The following CEP128 variants were observed in gnomAD, a reference collection of about 807,000 sequenced individuals.
CEP128 encodes centrosomal protein 128, also known as centrosomal protein 128kDa.
In CEP128, 132 loss-of-function variants were observed where a neutral mutation model predicts 156.7. The ratio of observed to expected loss-of-function variants is 0.84; its 90% confidence interval spans 0.73 to 0.97. The LOEUF (loss-of-function observed/expected upper bound fraction) is 0.97. CEP128 is among the 50% of genes least tolerant of loss of function. CEP128 has a pLI of 0.00. For missense variants in CEP128, 1,252 were observed against 1,281.9 expected, an observed-to-expected ratio of 0.98 and a Z score of 0.36; for synonymous variants, 469 against 448.9, an observed-to-expected ratio of 1.04 and a Z score of -0.57.
chr14:80,774,060 C>A (rs962656590), intron 16 of CEP128, among the ~76,000 whole-genome samples: 1 of 152,062 alleles, frequency 6.6e-6, no homozygotes, highest in African/African-American at 2.4e-5. Context: ...AGAAAAAATG[C>A]ATTTTAATAC....
intron 19 of CEP128, among the ~76,000 whole-genome samples, chr14:80,620,089 C>T (rs1054345799): frequency 6.6e-6 from 1 of 152,114 alleles, no homozygotes; most frequent in Non-Finnish European, 1.5e-5. Flanking sequence ...CGCACCATTG[C>T]ACTCCAGCCT....
rs571143739 is a variant in CEP128 at position 80,504,676 on chromosome 14, C to T, written c.3181+236G>A. Among the ~76,000 whole-genome samples the T allele has an allele frequency of 2.0e-5, 3 of 152,262 alleles. No individual in the cohort carries two copies. In the East Asian group the frequency reaches 5.8e-4, roughly 29 times the overall value. On this transcript the variant is annotated intron_variant, in intron 24 of 24. Coordinates refer to ENST00000555265, the MANE Select transcript of CEP128 (RefSeq NM_152446.5). ...AAATTTGCCTAATTAAGATTTTCAC[C>T]TTGGGTGGTTATTTAAGTTATTCTG...
chr14:80,643,394 G>T (rs566775560), intron 19 of CEP128, among the ~76,000 whole-genome samples: 4 of 152,192 alleles, frequency 2.6e-5, no homozygotes, highest in African/African-American at 9.6e-5. Flanking sequence ...CAAATGTGGG[G>T]TGCAACACAA....
chr14:80,668,133 G>A (rs942039669), intron 19 of CEP128, among the ~76,000 whole-genome samples: 3 of 152,112 alleles, frequency 2.0e-5, no homozygotes, highest in Admixed American at 2.0e-4. Flanking sequence ...AGTCTGTGAG[G>A]TAAATGTTTA....
At chr14:80,948,570 C>G (rs982512700) in intron 2 of CEP128, among the ~76,000 whole-genome samples, 3 of 152,148 alleles carry the variant, frequency 2.0e-5, no homozygotes, top group African/African-American at 7.2e-5. Flanking sequence ...TGGGGACTTT[C>G]TGAAAAAAGA....
In CEP128 at chr14:80,792,895, C is replaced by T. The variant is rs545347676; in HGVS notation, c.1425G>A (p.Ala475=). 2.4e-5 allele frequency: 38 copies of T among 1,614,152 alleles called. No individual in the cohort carries two copies. The highest frequency in any genetic ancestry group is 1.6e-4 in the Middle Eastern group (1 of 6,062). The change falls in exon 14 of 25, where the codon GCG becomes GCA. Residue 475 remains alanine, a synonymous_variant. Transcript: ENST00000555265. ...LQQSEALKEE[A]EKRREDLKLK... ...GTTTCAGGTCTTCCCTCCTCTTCTC[C>T]GCCTCCTCTTTCAGAGCCTCTGACT...
intron 19 of CEP128, among the ~76,000 whole-genome samples, chr14:80,665,064 AT>A (rs1333520492): frequency 6.6e-6 from 1 of 152,220 alleles, no homozygotes; most frequent in Non-Finnish European, 1.5e-5. Flanking sequence ...GAAAATTTGA[AT>A]TTCTGATCCA....
intron 21 of CEP128, among the ~76,000 whole-genome samples, chr14:80,547,800 T>A: frequency 8.5e-6 from 1 of 117,114 alleles, no homozygotes; most frequent in African/African-American, 5.7e-5. Flanking sequence ...GAGAGGAATT[T>A]TTTTTTTTTT....
intron 14 of CEP128, 89 bp downstream of exon 14, chr14:80,792,671 G>T (rs1901772505): frequency 5.1e-6 from 5 of 975,624 alleles, no homozygotes; most frequent in Non-Finnish European, 8.0e-6. Context: ...TATATGTACA[G>T]TATGGCACTC....
rs540639569 is a variant in CEP128 at position 80,677,455 on chromosome 14, G to A, written c.2806+65620C>T. Among the ~76,000 whole-genome samples, 6 of 134,984 alleles carry A rather than the reference G, an allele frequency of 4.4e-5. No homozygotes were observed. In the South Asian group the frequency reaches 1.1e-3, roughly 25 times the overall value. The allele number at this position is 134,984 out of a possible 152,430, so 88.6% of individuals were successfully genotyped here. On this transcript the variant is annotated intron_variant, in intron 19 of 24. Coordinates refer to ENST00000555265, the MANE Select transcript of CEP128 (RefSeq NM_152446.5). ...ACAAAGTAGGTGGAGGTGGCAGTGA[G>A]CCCAGATGGCGCCACTGCACTCCAG... is the stretch of plus-strand genomic sequence containing the variant.
At chr14:80,744,126 C>G (rs1898977058) in intron 18 of CEP128, among the ~76,000 whole-genome samples, 1 of 152,036 alleles carries the variant, frequency 6.6e-6, no homozygotes, top group South Asian at 2.1e-4. Flanking sequence ...CCACCTGTCT[C>G]AGCCTCCCGA....
intron 23 of CEP128, among the ~76,000 whole-genome samples, chr14:80,520,532 T>C (rs764082001): frequency 1.7e-4 from 26 of 152,340 alleles, no homozygotes; most frequent in Non-Finnish European, 1.8e-4. Flanking sequence ...GTTTTCATAA[T>C]AGGACTAATA....
At chr14:80,913,673 G>A (rs111369826) in intron 4 of CEP128, among the ~76,000 whole-genome samples, 4 of 151,894 alleles carry the variant, frequency 2.6e-5, no homozygotes, top group Non-Finnish European at 4.4e-5. Context: ...ACTCAGAAGG[G>A]ACGCAAAGGT....
intron 13 of CEP128, among the ~76,000 whole-genome samples, chr14:80,801,175 A>G (rs1883823282): frequency 6.6e-6 from 1 of 152,206 alleles, no homozygotes; most frequent in African/African-American, 2.4e-5. Flanking sequence ...AAATCATTTC[A>G]TCTGCAAACA....
chr14:80,613,151 C>T (rs1249075264), intron 19 of CEP128, among the ~76,000 whole-genome samples: 3 of 151,654 alleles, frequency 2.0e-5, no homozygotes, highest in East Asian at 1.9e-4. Flanking sequence ...CCACCACGCC[C>T]GGCCCATTGC....
chr14:80,607,390 G>T (rs1892827229), intron 19 of CEP128, among the ~76,000 whole-genome samples: 1 of 152,048 alleles, frequency 6.6e-6, no homozygotes. Flanking sequence ...TAATTCAAAA[G>T]AAAATATAGG....
At chr14:80,667,768 G>A (rs1328452626) in intron 19 of CEP128, among the ~76,000 whole-genome samples, 1 of 148,284 alleles carries the variant, frequency 6.7e-6, no homozygotes, top group Non-Finnish European at 1.5e-5. Context: ...TGAGGCAGGA[G>A]AATGGCATGA....
chr14:80,909,404 C>T (rs1566709389), intron 4 of CEP128, among the ~76,000 whole-genome samples: 6 of 124,720 alleles, frequency 4.8e-5, no homozygotes, highest in South Asian at 2.6e-4. Context: ...CACACACACA[C>T]GCAAACTCCC....
At chr14:80,922,490 A>G (rs1884921022) in intron 2 of CEP128, among the ~76,000 whole-genome samples, 1 of 152,262 alleles carries the variant, frequency 6.6e-6, no homozygotes, top group Non-Finnish European at 1.5e-5. Context: ...TTAAAGAAAC[A>G]TTCTAAACTA....
Sources: gnomAD v4.1 joint callset for allele counts (sites outside exome capture counted in the v4.1 genomes callset) on GRCh38, gnomAD v4.1.1 for gene constraint, MANE v1.5 for transcripts, NCBI Gene and HGNC (gene_info 2026-07-23, HGNC 2026-07-21) for gene names.